THADA: variants seen among roughly 807,000 people sequenced by gnomAD.
THADA encodes the protein THADA armadillo repeat containing, also known as tRNA (32-2'-O)-methyltransferase regulator THADA.
In THADA, 213 loss-of-function variants were observed where a neutral mutation model predicts 219.8. The observed-to-expected ratio is 0.97, with a 90% confidence interval of 0.87 to 1.09. The LOEUF (loss-of-function observed/expected upper bound fraction) is 1.09, where lower values mean the gene tolerates loss of function less well. Ranked by LOEUF, THADA falls within the 50% of genes least tolerant of loss-of-function variation. THADA has a pLI of 0.00. For synonymous variants in THADA, 1,018 were observed against 828.9 expected, an observed-to-expected ratio of 1.23 and a Z score of -3.92; for missense variants, 2,956 against 2,311.3, an observed-to-expected ratio of 1.28 and a Z score of -5.72.
At chr2:43,403,839 C>G (rs1675183732) in intron 28 of THADA, among the ~76,000 whole-genome samples, 1 of 151,984 alleles carries the variant, frequency 6.6e-6, no homozygotes, top group Non-Finnish European at 1.5e-5. Context: ...AACACACCCC[C>G]TAAAACCTCT....
intron 29 of THADA, among the ~76,000 whole-genome samples, chr2:43,383,389 A>C (rs1276857024): frequency 6.6e-6 from 1 of 152,208 alleles, no homozygotes; most frequent in Admixed American, 6.5e-5. Context: ...ACACAAAGCT[A>C]TATATGAGTT....
chr2:43,457,169 CACACACACACACACAT>C (rs1340340908), intron 26 of THADA, among the ~76,000 whole-genome samples: 2 of 135,152 alleles, frequency 1.5e-5, no homozygotes, highest in African/African-American at 5.8e-5. Flanking sequence ...CACACACACA[CACACACACACACACAT>C]GCACAGTGAG....
intron 36 of THADA, chr2:43,233,415 GT>G (rs1320129961): frequency 1.3e-5 from 2 of 152,556 alleles, no homozygotes; most frequent in African/African-American, 4.8e-5. Flanking sequence ...TAAACAAATG[GT>G]TGTGGCTGTG....
At chr2:43,534,990 C>A (rs545720027) in intron 21 of THADA, among the ~76,000 whole-genome samples, 1 of 152,116 alleles carries the variant, frequency 6.6e-6, no homozygotes, top group Non-Finnish European at 1.5e-5. Context: ...CTTTTCTCCA[C>A]ATTCCTGCCA....
At chr2:43,481,907 CA>C (rs1038496873) in intron 26 of THADA, among the ~76,000 whole-genome samples, 8 of 152,170 alleles carry the variant, frequency 5.3e-5, no homozygotes, top group African/African-American at 1.9e-4. Flanking sequence ...TGACATGTAT[CA>C]TTTAGCTGGG....
In THADA at chr2:43,310,287, G is replaced by A. The variant is rs554696026; in HGVS notation, c.4438+10159C>T. Among the ~76,000 whole-genome samples the A allele has an allele frequency of 2.9e-4, 39 of 136,224 alleles. 1 individual carries two copies. In the South Asian group the frequency reaches 8.6e-3, roughly 30 times the overall value. 89.4% of individuals were successfully genotyped at this position (136,224 alleles called of 152,430 possible). A position where few individuals can be genotyped will look rare whatever the true frequency, so the allele number is the denominator to read the frequency against. On this transcript the variant is annotated intron_variant, in intron 31 of 37. Transcript: ENST00000405975. ...TGAAAATGCAAGGAACCCAGAATAGGCAAAGCAATGTTGAAAAATGAAGAA... is the reference window on the plus strand; with the variant it reads ...TGAAAATGCAAGGAACCCAGAATAGACAAAGCAATGTTGAAAAATGAAGAA...
chr2:43,415,967 G>C (rs1676917427), intron 28 of THADA, among the ~76,000 whole-genome samples: 1 of 152,122 alleles, frequency 6.6e-6, no homozygotes, highest in South Asian at 2.1e-4. Flanking sequence ...ACAGAAAAAA[G>C]GGTGGGGGGA....
rs35419456 is a variant in THADA, at chr2:43,498,826, C to T, written c.3744+7G>A. ...AATCAATGAAAATAAATAGTGACAG[C>T]ACTTACTGCCCAGACCGGTGATGTA... On this transcript the variant is annotated splice_region_variant and intron_variant, in intron 25 of 37. Transcript: ENST00000405975. 2 of 1,610,520 alleles carry T rather than the reference C, an allele frequency of 1.2e-6. No individual in the cohort carries two copies. The highest frequency in any genetic ancestry group is 1.7e-6 in the Non-Finnish European group (2 of 1,178,814).
intron 36 of THADA, among the ~76,000 whole-genome samples, chr2:43,238,292 T>C (rs1302523861): frequency 6.6e-6 from 1 of 151,994 alleles, no homozygotes; most frequent in Non-Finnish European, 1.5e-5. Context: ...GGAGAAAATA[T>C]GAACAAATCC....
chr2:43,496,607 G>A (rs1182381331), intron 25 of THADA, among the ~76,000 whole-genome samples: 7 of 151,710 alleles, frequency 4.6e-5, no homozygotes, highest in Admixed American at 2.0e-4. Context: ...TTAGGGAAAT[G>A]CAAATCAAAA....
At chr2:43,376,209 C>T (rs1164557937) in intron 29 of THADA, among the ~76,000 whole-genome samples, 1 of 152,190 alleles carries the variant, frequency 6.6e-6, no homozygotes, top group African/African-American at 2.4e-5. Context: ...TACATTCAGA[C>T]AGTCAAGACA....
At chr2:43,255,827 G>T (rs1413258457) in intron 36 of THADA, among the ~76,000 whole-genome samples, 3 of 152,200 alleles carry the variant, frequency 2.0e-5, no homozygotes, top group Admixed American at 2.0e-4. Flanking sequence ...CCCCGGGTGG[G>T]TGAGGCTTTG....
Position 43,246,122 on chromosome 2 carries a change from T to G in THADA, c.5297-13240A>C, listed in dbSNP as rs549387690. 7.9e-4 allele frequency among the ~76,000 whole-genome samples: 119 copies of G among 151,286 alleles called. 1 individual carries two copies. Among genetic ancestry groups the G allele is most frequent in the African/African-American group, 2.7e-3 (112 of 41,160 alleles). ...AGCCTTATCTAGAATCCAGAAAGTCTGCTTACTAGGCGCCCACCTCCCAGC... is the reference window on the plus strand; with the variant it reads ...AGCCTTATCTAGAATCCAGAAAGTCGGCTTACTAGGCGCCCACCTCCCAGC... On this transcript the variant is annotated intron_variant, in intron 36 of 37. Transcript: ENST00000405975.
chr2:43,243,955 A>G (rs962931412), intron 36 of THADA, among the ~76,000 whole-genome samples: 2 of 152,238 alleles, frequency 1.3e-5, no homozygotes, highest in Admixed American at 1.3e-4. Flanking sequence ...GTGACCTATT[A>G]TGAAACCAGA....
At chr2:43,260,853 G>C (rs1670851039) in intron 36 of THADA, among the ~76,000 whole-genome samples, 1 of 152,128 alleles carries the variant, frequency 6.6e-6, no homozygotes, top group African/African-American at 2.4e-5. Context: ...TTTTCTGTCA[G>C]AGTACAAGGT....
intron 29 of THADA, among the ~76,000 whole-genome samples, chr2:43,376,940 C>T (rs548375279): frequency 2.6e-5 from 4 of 152,234 alleles, no homozygotes; most frequent in Admixed American, 6.5e-5. Context: ...GAGTAAGGCA[C>T]GGTCCTCAGC....
At chr2:43,453,646 A>G (rs1682634693) in intron 26 of THADA, among the ~76,000 whole-genome samples, 1 of 152,090 alleles carries the variant, frequency 6.6e-6, no homozygotes, top group African/African-American at 2.4e-5. Context: ...TGGTTTTTTA[A>G]AGTACTCTGA....
chr2:43,444,187 C>A (rs1018832541), intron 26 of THADA, among the ~76,000 whole-genome samples: 10 of 152,214 alleles, frequency 6.6e-5, no homozygotes, highest in Non-Finnish European at 1.5e-4. Context: ...GTAGGTCCAT[C>A]TACACCTCCC....
At chr2:43,307,625 A>C (rs1677016856) in intron 31 of THADA, among the ~76,000 whole-genome samples, 2 of 152,206 alleles carry the variant, frequency 1.3e-5, no homozygotes, top group Admixed American at 1.3e-4. Flanking sequence ...CCTAAACTAA[A>C]GGCTCCTCTT....
Sources: allele counts gnomAD v4.1 joint callset (sites outside exome capture counted in the v4.1 genomes callset), GRCh38; gene constraint gnomAD v4.1.1; transcripts MANE v1.5; gene names NCBI Gene and HGNC (gene_info 2026-07-23, HGNC 2026-07-21).